The following NIM1K variants were observed in gnomAD, a reference collection of about 807,000 sequenced individuals.
The protein encoded by NIM1K is NIM1 serine/threonine protein kinase.
NIM1K carries 35 observed loss-of-function variants against 37.1 expected under a neutral mutation model. The ratio of observed to expected loss-of-function variants is 0.94; its 90% CI spans 0.72 to 1.25. The LOEUF (loss-of-function observed/expected upper bound fraction) is 1.25. Ranked by LOEUF, NIM1K falls within the 50% of genes most tolerant of loss-of-function variation. The pLI is 0.00. For missense variants in NIM1K, 564 were observed against 548.0 expected, an observed-to-expected ratio of 1.03 and a Z score of -0.29; for synonymous variants, 234 against 206.6, an observed-to-expected ratio of 1.13 and a Z score of -1.14.
At position 43,235,879 on chromosome 5, in the gene NIM1K, C is replaced by A. The variant is rs150419956; in HGVS notation, c.-694-9203C>A. ...TTTTTTGGATGATTCTCCCATGAAA[C>A]CTAGAACAGAGCCTGGAAATGGCCA... On this transcript the variant is annotated intron_variant, in intron 1 of 3. Transcript: ENST00000326035. Among the ~76,000 whole-genome samples, 1,001 of 150,648 alleles carry A rather than the reference C, an allele frequency of 6.6e-3. 9 individuals carry two copies. Among genetic ancestry groups the A allele is most frequent in the African/African-American group, 0.024 (964 of 40,928 alleles).
chr5:43,279,630 C>T (rs969610329), intron 3 of NIM1K, among the ~76,000 whole-genome samples: 1 of 152,192 alleles, frequency 6.6e-6, no homozygotes, highest in Non-Finnish European at 1.5e-5. Flanking sequence ...ATCCATCAGC[C>T]AGAAAAACCC....
At chr5:43,210,327 C>T (rs1378562854) in intron 1 of NIM1K, among the ~76,000 whole-genome samples, 2 of 152,108 alleles carry the variant, frequency 1.3e-5, no homozygotes, top group Non-Finnish European at 2.9e-5. Context: ...AAATTTTGTG[C>T]TCAGTAACAA....
intron 2 of NIM1K, among the ~76,000 whole-genome samples, chr5:43,251,753 T>C (rs1022012008): frequency 2.0e-5 from 3 of 152,236 alleles, no homozygotes; most frequent in Non-Finnish European, 4.4e-5. Context: ...AGGTATATCA[T>C]GGCCAAAAAT....
At chr5:43,227,627 G>C (rs1263292738) in intron 1 of NIM1K, among the ~76,000 whole-genome samples, 1 of 152,098 alleles carries the variant, frequency 6.6e-6, no homozygotes, top group Non-Finnish European at 1.5e-5. Context: ...TTTCTAGGTT[G>C]TCTGAGGGGA....
At chr5:43,277,447 C>T in intron 3 of NIM1K, 122 bp downstream of exon 3, 6 of 1,032,452 alleles carry the variant, frequency 5.8e-6, no homozygotes, top group South Asian at 3.2e-5. Context: ...AGACAGTAGT[C>T]CCTTCTGAGA....
At chr5:43,271,587 T>TTTC (rs1753257724) in intron 2 of NIM1K, among the ~76,000 whole-genome samples, 1 of 152,186 alleles carries the variant, frequency 6.6e-6, no homozygotes, top group Non-Finnish European at 1.5e-5. Flanking sequence ...ATTTACCCAG[T>TTTC]TTCACACAAA....
intron 1 of NIM1K, among the ~76,000 whole-genome samples, chr5:43,225,087 T>C (rs974504987): frequency 3.3e-5 from 5 of 152,156 alleles, no homozygotes; most frequent in Non-Finnish European, 5.9e-5. Flanking sequence ...AGAAATAACA[T>C]TGATTAGCGA....
At chr5:43,237,421 C>T (rs1369517713) in intron 1 of NIM1K, among the ~76,000 whole-genome samples, 1 of 152,188 alleles carries the variant, frequency 6.6e-6, no homozygotes, top group Non-Finnish European at 1.5e-5. Context: ...ATAATTTTGT[C>T]TGGTTGAGTT....
chr5:43,266,732 T>C (rs1037017988), intron 2 of NIM1K, among the ~76,000 whole-genome samples: 1 of 152,224 alleles, frequency 6.6e-6, no homozygotes, highest in Non-Finnish European at 1.5e-5. Context: ...GCTGTTCCTA[T>C]TTGGCCATCT....
chr5:43,256,016 G>T (rs1410528378), intron 2 of NIM1K, among the ~76,000 whole-genome samples: 2 of 152,078 alleles, frequency 1.3e-5, no homozygotes, highest in African/African-American at 4.8e-5. Flanking sequence ...AGATTGTGGA[G>T]GACCAAGTTT....
At chr5:43,252,980 T>C (rs1752886839) in intron 2 of NIM1K, among the ~76,000 whole-genome samples, 1 of 150,644 alleles carries the variant, frequency 6.6e-6, no homozygotes, top group African/African-American at 2.4e-5. Context: ...CTTCCTTTTT[T>C]TTTTTTTTAT....
chr5:43,207,078 C>G, intron 1 of NIM1K: 1 of 718,764 alleles, frequency 1.4e-6, no homozygotes. Context: ...CCTATGGGCG[C>G]CTGGTTGAAT....
intron 1 of NIM1K, among the ~76,000 whole-genome samples, chr5:43,238,775 T>G (rs931917476): frequency 1.3e-5 from 2 of 151,332 alleles, no homozygotes; most frequent in South Asian, 2.1e-4. Context: ...AAAAGAGGAG[T>G]AGCCAACCTC....
In NIM1K at chr5:43,198,207, C is replaced by CTCTTTCTTTCTTTCTT. The variant is rs1176718462; in HGVS notation, c.-695+5822_-695+5837dup. 2.9e-3 allele frequency among the ~76,000 whole-genome samples: 142 copies of CTCTTTCTTTCTTTCTT among 48,842 alleles called. 2 individuals are homozygous for CTCTTTCTTTCTTTCTT. The highest frequency in any genetic ancestry group is 0.015 in the East Asian group (22 of 1,440). The allele number at this position is 48,842 out of a possible 152,430, so 32.0% of individuals were successfully genotyped here. ...TCTTTCTTTCTTTCTTTCTTTCTTT[C>CTCTTTCTTTCTTTCTT]TCTTTCTTTCTTTCTTTCTTTCTTT... On this transcript the variant is annotated intron_variant, in intron 1 of 3. Coordinates refer to ENST00000326035, the MANE Select transcript of NIM1K (RefSeq NM_153361.4).
Position 43,280,242 on chromosome 5 carries a change from C to A in NIM1K, c.824C>A (p.Thr275Asn). 1 of 1,614,140 alleles carries A rather than the reference C, an allele frequency of 6.2e-7. No homozygotes were observed. The highest frequency in any genetic ancestry group is 2.2e-5 in the East Asian group (1 of 44,862). The stretch of plus-strand genomic sequence containing the variant: ...GGCACCATGCCATTTCGGGCAGAAA[C>A]CGTGGCCAAACTAAAAAAGAGCATC... ...VTGTMPFRAE[T>N]VAKLKKSILE... Residue 275 changes from threonine (T) to asparagine (N), a missense_variant, in exon 4 of 4, where the codon ACC becomes AAC. By Grantham distance (65) the Thr-to-Asn change is moderately conservative (BLOSUM62 0). Coordinates refer to ENST00000326035, the MANE Select transcript of NIM1K (RefSeq NM_153361.4).
chr5:43,271,008 T>C (rs574927447), intron 2 of NIM1K, among the ~76,000 whole-genome samples: 3 of 152,300 alleles, frequency 2.0e-5, no homozygotes, highest in African/African-American at 7.2e-5. Context: ...TTTATATCAT[T>C]TCCCCCATAG....
At chr5:43,242,313 C>T (rs1162186242) in intron 1 of NIM1K, among the ~76,000 whole-genome samples, 1 of 151,826 alleles carries the variant, frequency 6.6e-6, no homozygotes, top group Admixed American at 6.6e-5. Context: ...GATATAGACC[C>T]CAAATCAGGA....
chr5:43,275,049 T>A lies in NIM1K; in HGVS notation c.293-2008T>A, dbSNP rs13165339. On this transcript the variant is annotated intron_variant, in intron 2 of 3. Transcript: ENST00000326035. ...ATTTTCTAACATTAATCATTTTCGT[T>A]ATACAGTAAGTCTATATTCATGATA... 7.5e-3 allele frequency among the ~76,000 whole-genome samples: 1,139 copies of A among 152,300 alleles called. 9 individuals carry two copies. The highest frequency in any genetic ancestry group is 0.034 in the Middle Eastern group (10 of 294).
intron 1 of NIM1K, among the ~76,000 whole-genome samples, chr5:43,196,982 C>G (rs1751927215): frequency 9.6e-6 from 1 of 104,416 alleles, no homozygotes; most frequent in South Asian, 3.4e-4. Context: ...GACAAGGTTT[C>G]ACTATGTTGC....
Sources: gnomAD v4.1 joint callset for allele counts (sites outside exome capture counted in the v4.1 genomes callset) on GRCh38, gnomAD v4.1.1 for gene constraint, MANE v1.5 for transcripts, NCBI Gene and HGNC (gene_info 2026-07-23, HGNC 2026-07-21) for gene names.